Variants in CNOT1 observed in about 807,000 individuals in gnomAD.
The protein encoded by CNOT1 is CCR4-associated factor 1.
In CNOT1, 15 loss-of-function variants were observed where a neutral mutation model predicts 273.8. The ratio of observed to expected loss-of-function variants is 0.05; its 90% CI spans 0.04 to 0.08. The LOEUF is 0.08. Among genes scored for constraint, CNOT1 ranks in the 10% least tolerant of loss-of-function variants. The probability of loss-of-function intolerance (pLI) is 1.00; values close to 1 mark genes in which losing one functional copy is unlikely to be tolerated. For missense variants in CNOT1, 1,644 were observed against 2,912.2 expected (o/e 0.56, Z 10.02); for synonymous variants, 1,022 against 1,005.5 (o/e 1.02, Z -0.31).
At chr16:58,606,297 G>A (rs577658814) in intron 1 of CNOT1, among the ~76,000 whole-genome samples, 1 of 152,104 alleles carries the variant, frequency 6.6e-6, no homozygotes, top group East Asian at 1.9e-4. Flanking sequence ...GCACACACTG[G>A]TAGTCCCTGC....
chr16:58,588,917 C>A lies in CNOT1; in HGVS notation c.103-11G>T, dbSNP rs772193509. 29 of 1,585,842 alleles carry A rather than the reference C, an allele frequency of 1.8e-5. 1 individual carries two copies. The South Asian group carries it at 2.4e-4, about 13-fold the overall frequency. The stretch of plus-strand genomic sequence containing the variant: ...GTGCCGATTCACAATCTAAAATGAC[C>A]AAAAATAACATGTTTAATAAGGGAA... On this transcript the variant is annotated splice_polypyrimidine_tract_variant and intron_variant, in intron 2 of 48. Transcript: ENST00000317147.
At position 58,547,476 on chromosome 16, in the gene CNOT1, CAAT is replaced by C. The variant is rs1443083740; in HGVS notation, c.3639+87_3639+89del. The C allele has an allele frequency of 3.9e-6, 6 of 1,523,798 alleles. No homozygotes were observed. Among genetic ancestry groups the C allele is most frequent in the Non-Finnish European group, 5.3e-6 (6 of 1,132,588 alleles). The allele number at this position is 1,523,798 out of a possible 1,614,324, so 94.4% of individuals were successfully genotyped here. ...CGTGGGCCAAAATCTTACAAAACCC[CAAT>C]AATCATTAAATAGCTCCAAACAGCC... is the stretch of plus-strand genomic sequence containing the variant. On this transcript the variant is annotated intron_variant, in intron 26 of 48. Transcript: ENST00000317147. This position sits in a 1 kb window ranked among gnomAD's most constrained non-coding sequence, Gnocchi z 4.0.
chr16:58,582,982 C>T (rs886324203), intron 9 of CNOT1, 74 bp downstream of exon 9: 1 of 1,607,282 alleles, frequency 6.2e-7, no homozygotes, highest in Non-Finnish European at 8.5e-7. Context: ...ATCAATCATA[C>T]TGTAATTTAA....
chr16:58,582,123 C>A (rs1000945504), intron 10 of CNOT1, among the ~76,000 whole-genome samples: 1,008 of 98,558 alleles, frequency 0.01, no homozygotes, highest in African/African-American at 0.012. Flanking sequence ...ACTAAAAATA[C>A]AAAAAAAAAA....
At chr16:58,609,215 T>C (rs1209190912) in intron 1 of CNOT1, among the ~76,000 whole-genome samples, 2 of 151,940 alleles carry the variant, frequency 1.3e-5, no homozygotes, top group Non-Finnish European at 2.9e-5. Flanking sequence ...CTACTAAAAC[T>C]ACAAAAATTA....
At chr16:58,541,924 C>T (rs1316934032) in intron 33 of CNOT1, among the ~76,000 whole-genome samples, 1 of 152,212 alleles carries the variant, frequency 6.6e-6, no homozygotes, top group Non-Finnish European at 1.5e-5. Context: ...AGATTTCTCA[C>T]TGTCTCACTG....
intron 32 of CNOT1, 23 bp downstream of exon 32, chr16:58,542,405 A>G: frequency 1.2e-6 from 2 of 1,613,074 alleles, no homozygotes; most frequent in Non-Finnish European, 1.7e-6. Context: ...GAAAATCTTA[A>G]AAGGCAAATT....
intron 29 of CNOT1, 74 bp downstream of exon 29, chr16:58,546,247 T>C (rs1401470627): frequency 1.6e-5 from 21 of 1,284,016 alleles, no homozygotes; most frequent in Non-Finnish European, 2.1e-5. Flanking sequence ...TAGTTTGCGA[T>C]ATACATGGAC....
chr16:58,523,305 G>GAAAA, intron 47 of CNOT1, 65 bp downstream of exon 47: 1 of 1,340,120 alleles, frequency 7.5e-7, no homozygotes, highest in Non-Finnish European at 1.0e-6. Flanking sequence ...GCATAAAGAG[G>GAAAA]AAAAAAAAAA....
At chr16:58,542,963 C>T (rs994985360) in intron 31 of CNOT1, among the ~76,000 whole-genome samples, 1 of 152,114 alleles carries the variant, frequency 6.6e-6, no homozygotes, top group African/African-American at 2.4e-5. Flanking sequence ...CGTGGTAGCA[C>T]ATGCCTGTAA....
At chr16:58,604,732 G>C (rs1335062367) in intron 1 of CNOT1, among the ~76,000 whole-genome samples, 1 of 149,964 alleles carries the variant, frequency 6.7e-6, no homozygotes, top group Non-Finnish European at 1.5e-5. Context: ...GGGAGGCAGA[G>C]GTTGCGGTGG....
rs200350900 is a variant in CNOT1 at position 58,580,613 on chromosome 16, A to T, written c.1343+20T>A. 5 of 1,596,950 alleles carry T rather than the reference A, an allele frequency of 3.1e-6. No individual in the cohort carries two copies. The East Asian group carries it at 1.1e-4, about 36-fold the overall frequency. The stretch of plus-strand genomic sequence containing the variant: ...AATAAGAAGTAATCTTTTAAATGAA[A>T]GATGAATCAAAGTGTTTACCATGTG... On this transcript the variant is annotated intron_variant, in intron 12 of 48. Coordinates refer to ENST00000317147, the MANE Select transcript of CNOT1 (RefSeq NM_016284.5).
Position 58,556,738 on chromosome 16 carries a change from A to T in CNOT1, c.2479+109T>A, listed in dbSNP as rs1256188884. 1.8e-5 allele frequency: 26 copies of T among 1,435,696 alleles called. No individual in the cohort carries two copies. The East Asian group carries it at 5.4e-4, about 30-fold the overall frequency. The allele number at this position is 1,435,696 out of a possible 1,614,324, so 88.9% of individuals were successfully genotyped here. A position where few individuals can be genotyped will look rare whatever the true frequency, so the allele number is the denominator to read the frequency against. Reference sequence around the variant, plus strand: ...AATTCAAATTTGTGAATTTATTCCCATTGGTCTAGGAGGCACATCAACACA... The same window carrying T: ...AATTCAAATTTGTGAATTTATTCCCTTTGGTCTAGGAGGCACATCAACACA... On this transcript the variant is annotated intron_variant, in intron 19 of 48. Transcript: ENST00000317147.
At chr16:58,543,099 C>T (rs1367242671) in intron 31 of CNOT1, 1 of 1,253,266 alleles carries the variant, frequency 8.0e-7, no homozygotes, top group African/African-American at 1.5e-5. Context: ...TCTCATGAAA[C>T]ATTAAAAAAA....
At chr16:58,539,322 G>A (rs1488621092) in intron 35 of CNOT1, among the ~76,000 whole-genome samples, 1 of 151,990 alleles carries the variant, frequency 6.6e-6, no homozygotes, top group Non-Finnish European at 1.5e-5. Context: ...AGCAAGACCT[G>A]TCTCTACAAA....
In CNOT1 at chr16:58,535,741, T is replaced by A. The variant is rs79102348; in HGVS notation, c.5646+1248A>T. 4.1e-4 allele frequency among the ~76,000 whole-genome samples: 63 copies of A among 152,010 alleles called. No homozygotes were observed. In the East Asian group the frequency reaches 9.7e-3, roughly 23 times the overall value. Reference sequence around the variant, plus strand: ...GTAAACCTAATTTCTTTTTTTTTTTTAATTTTTTTTGAGACGGAGCCTCGC... The same window carrying A: ...GTAAACCTAATTTCTTTTTTTTTTTAAATTTTTTTTGAGACGGAGCCTCGC... On this transcript the variant is annotated intron_variant, in intron 39 of 48. Transcript: ENST00000317147.
At position 58,599,415 on chromosome 16, in the gene CNOT1, G is replaced by A; in HGVS notation, c.-78C>T. ...TCCCCTTTAGTCACCTCAGAGGCAG[G>A]TTAATGCTTTCTTTGTAATTAGGCT... On this transcript the variant is annotated 5_prime_UTR_variant, in exon 2 of 49. Transcript: ENST00000317147. 1 of 1,572,388 alleles carries A rather than the reference G, an allele frequency of 6.4e-7. No homozygotes were observed. Among genetic ancestry groups the A allele is most frequent in the Non-Finnish European group, 8.7e-7 (1 of 1,149,070 alleles).
At position 58,575,869 on chromosome 16, in the gene CNOT1, G is replaced by A. The variant is rs118007788; in HGVS notation, c.1704+594C>T. Among the ~76,000 whole-genome samples, 277 of 152,164 alleles carry A rather than the reference G, an allele frequency of 1.8e-3. 1 individual carries two copies. The highest frequency in any genetic ancestry group is 3.1e-3 in the Non-Finnish European group (212 of 68,022). ...CTCACAGAGTTGCTTAAGGGAAGAA[G>A]CATGCCTAGTTTCCCCAAAAACTGT... On this transcript the variant is annotated intron_variant, in intron 14 of 48. Coordinates refer to ENST00000317147, the MANE Select transcript of CNOT1 (RefSeq NM_016284.5).
At chr16:58,586,163 G>C (rs775274545) in intron 7 of CNOT1, among the ~76,000 whole-genome samples, 1 of 136,548 alleles carries the variant, frequency 7.3e-6, no homozygotes, top group Non-Finnish European at 1.6e-5. Context: ...ATGCTCGCCT[G>C]ATCTTCCCAA....
Sources: gnomAD v4.1 joint callset for allele counts (sites outside exome capture counted in the v4.1 genomes callset) on GRCh38, gnomAD v4.1.1 for gene constraint, Gnocchi (gnomAD v3.1) non-coding constraint, MANE v1.5 for transcripts, NCBI Gene and HGNC (gene_info 2026-07-23, HGNC 2026-07-21) for gene names.